Variants in KSR2 observed in about 807,000 individuals in gnomAD.
The protein encoded by KSR2 is kinase suppressor of ras 2.
Under a neutral mutation model 107.8 loss-of-function variants are expected in KSR2, and 25 were observed. That is an observed-to-expected ratio of 0.23 (90% CI 0.17 to 0.32). KSR2 has a LOEUF of 0.32. Ranked by LOEUF, KSR2 falls within the 10% of genes least tolerant of loss-of-function variation. The probability of loss-of-function intolerance (pLI) is 1.00; values close to 1 mark genes in which losing one functional copy is unlikely to be tolerated. For synonymous variants in KSR2, 480 were observed against 507.0 expected (o/e 0.95, Z 0.71); for missense variants, 887 against 1,268.9 (o/e 0.70, Z 4.57).
chr12:117,876,836 G>A (rs1430745219), intron 1 of KSR2, among the ~76,000 whole-genome samples: 2 of 151,204 alleles, frequency 1.3e-5, no homozygotes, highest in Non-Finnish European at 2.9e-5. Flanking sequence ...AAATACTTGG[G>A]ATCAGACATG....
intron 3 of KSR2, among the ~76,000 whole-genome samples, chr12:117,831,042 G>A (rs943922138): frequency 1.3e-5 from 2 of 152,094 alleles, no homozygotes; most frequent in Non-Finnish European, 1.5e-5. Context: ...CCTGTCTCCT[G>A]GGGAACCGGC....
chr12:117,855,663 G>A (rs1179154800), intron 2 of KSR2, 85 bp from the exon 3 acceptor site: 15 of 1,381,022 alleles, frequency 1.1e-5, no homozygotes, highest in Non-Finnish European at 1.4e-5. Context: ...GCCTAGAGGA[G>A]AACACTCCGC....
At chr12:117,878,015 C>T (rs1386927004) in intron 1 of KSR2, among the ~76,000 whole-genome samples, 1 of 152,080 alleles carries the variant, frequency 6.6e-6, no homozygotes, top group Non-Finnish European at 1.5e-5. Flanking sequence ...ATTGGGTGAT[C>T]TGATTAAATG....
intron 3 of KSR2, among the ~76,000 whole-genome samples, chr12:117,832,887 A>C (rs543706390): frequency 2.6e-4 from 39 of 152,354 alleles, no homozygotes; most frequent in African/African-American, 9.1e-4. Flanking sequence ...CTTGAAAATC[A>C]GTCTGAACTC....
intron 7 of KSR2, among the ~76,000 whole-genome samples, chr12:117,577,722 C>G (rs531764057): frequency 5.3e-5 from 8 of 152,314 alleles, no homozygotes; most frequent in African/African-American, 1.9e-4. Flanking sequence ...TCCCATGAGG[C>G]TTATTCACGA....
intron 6 of KSR2, among the ~76,000 whole-genome samples, 176 bp downstream of exon 6, chr12:117,582,114 T>C (rs1263445287): frequency 6.6e-6 from 1 of 152,190 alleles, no homozygotes; most frequent in Non-Finnish European, 1.5e-5. Flanking sequence ...GAAGCAGATG[T>C]CTCAGTCTCC....
chr12:117,861,663 C>G lies in KSR2; in HGVS notation c.181-1232G>C, dbSNP rs180823180. Among the ~76,000 whole-genome samples, 673 of 152,008 alleles carry G rather than the reference C, an allele frequency of 4.4e-3. 6 individuals carry two copies. Among genetic ancestry groups the G allele is most frequent in the African/African-American group, 0.016 (644 of 41,466 alleles). Reference sequence around the variant, plus strand: ...TCGGCCTCCCAAAGTGCTGGGATTACAGGCATGAGCCACCGCGCCCAGCCG... The same window carrying G: ...TCGGCCTCCCAAAGTGCTGGGATTAGAGGCATGAGCCACCGCGCCCAGCCG... On this transcript the variant is annotated intron_variant, in intron 1 of 19. Coordinates refer to ENST00000339824, the MANE Select transcript of KSR2 (RefSeq NM_173598.6).
chr12:117,694,509 G>A (rs1282823404), intron 4 of KSR2, among the ~76,000 whole-genome samples: 1 of 152,086 alleles, frequency 6.6e-6, no homozygotes, highest in East Asian at 1.9e-4. Flanking sequence ...GTCTTTACTA[G>A]CAGCATGAGA....
chr12:117,486,009 C>A (rs1056627720), intron 14 of KSR2, among the ~76,000 whole-genome samples: 1 of 152,196 alleles, frequency 6.6e-6, no homozygotes, highest in Admixed American at 6.5e-5. Flanking sequence ...GCACATAAAT[C>A]AAAAACTTCT....
intron 17 of KSR2, among the ~76,000 whole-genome samples, chr12:117,475,295 T>G (rs998128159): frequency 4.6e-5 from 7 of 152,220 alleles, no homozygotes; most frequent in Admixed American, 4.6e-4. Flanking sequence ...CTTGCAGGAT[T>G]GACCGTGCTT....
intron 4 of KSR2, among the ~76,000 whole-genome samples, chr12:117,672,888 C>T: frequency 6.6e-6 from 1 of 152,210 alleles, no homozygotes; most frequent in Admixed American, 6.5e-5. Context: ...CTCGGCCTCC[C>T]AAAGTGCTGG....
At chr12:117,927,449 T>C (rs1895560729) in intron 1 of KSR2, among the ~76,000 whole-genome samples, 1 of 151,476 alleles carries the variant, frequency 6.6e-6, no homozygotes, top group African/African-American at 2.4e-5. Context: ...CCCAGCATTT[T>C]GGGAGGCCGA....
intron 3 of KSR2, among the ~76,000 whole-genome samples, chr12:117,793,123 T>C (rs200672458): frequency 2.2e-5 from 2 of 91,266 alleles, no homozygotes; most frequent in Non-Finnish European, 2.0e-5. Flanking sequence ...CACACAAACA[T>C]GCACACACAC....
intron 1 of KSR2, among the ~76,000 whole-genome samples, chr12:117,887,577 T>C (rs1469336657): frequency 6.6e-6 from 1 of 152,176 alleles, no homozygotes; most frequent in Admixed American, 6.5e-5. Context: ...CAGGAGGTTC[T>C]GTGTTAGGGA....
chr12:117,807,601 C>A (rs1439198837), intron 3 of KSR2, among the ~76,000 whole-genome samples: 1 of 152,170 alleles, frequency 6.6e-6, no homozygotes, highest in African/African-American at 2.4e-5. Flanking sequence ...CACATCTGAT[C>A]AAGGAAATAT....
intron 5 of KSR2, among the ~76,000 whole-genome samples, chr12:117,650,348 G>T (rs1037483330): frequency 1.3e-5 from 2 of 152,152 alleles, no homozygotes; most frequent in Non-Finnish European, 2.9e-5. Flanking sequence ...CTTGCAGACA[G>T]CCTATTGTGG....
chr12:117,865,409 T>G (rs1382439247), intron 1 of KSR2, among the ~76,000 whole-genome samples: 1 of 152,240 alleles, frequency 6.6e-6, no homozygotes, highest in Admixed American at 6.5e-5. Context: ...AATGACGTTT[T>G]ACTGTTCATT....
At chr12:117,819,621 C>T (rs992651165) in intron 3 of KSR2, among the ~76,000 whole-genome samples, 3 of 152,072 alleles carry the variant, frequency 2.0e-5, no homozygotes, top group Non-Finnish European at 4.4e-5. Flanking sequence ...AAAAATCTCA[C>T]GTTCAAAAGA....
At chr12:117,932,856 T>C (rs555294950) in intron 1 of KSR2, among the ~76,000 whole-genome samples, 2 of 151,216 alleles carry the variant, frequency 1.3e-5, no homozygotes, top group African/African-American at 4.9e-5. Flanking sequence ...CTACTAAAAA[T>C]ACAAAAATTA....
Sources: allele counts gnomAD v4.1 joint callset (sites outside exome capture counted in the v4.1 genomes callset), GRCh38; gene constraint gnomAD v4.1.1; transcripts MANE v1.5; gene names NCBI Gene and HGNC (gene_info 2026-07-23, HGNC 2026-07-21).